Variants in TAPBPL observed in about 807,000 individuals in gnomAD.
The protein encoded by TAPBPL is tapasin-related protein.
TAPBPL carries 32 observed loss-of-function variants against 44.8 expected under a neutral mutation model. The ratio of observed to expected loss-of-function variants is 0.71; its 90% confidence interval spans 0.54 to 0.96. The LOEUF is 0.96. Ranked by LOEUF, TAPBPL falls within the 40% of genes least tolerant of loss-of-function variation. The probability of loss-of-function intolerance (pLI) is 0.00; values close to 1 mark genes in which losing one functional copy is unlikely to be tolerated. For synonymous variants in TAPBPL, 230 were observed against 240.7 expected (o/e 0.96, Z 0.41); for missense variants, 520 against 586.6 (o/e 0.89, Z 1.17).
chr12:6,463,531 C>A, downstream of TAPBPL: 1 of 1,044,760 alleles, frequency 9.6e-7, no homozygotes, highest in Non-Finnish European at 1.2e-6. The surrounding 1 kb of genome is among the most constrained non-coding windows in gnomAD (Gnocchi z 4.0). Flanking sequence ...CCCTCTTTAA[C>A]GAGGGCAAGG....
In TAPBPL at chr12:6,457,496, G is replaced by T. The variant is rs774261669; in HGVS notation, c.656G>T (p.Gly219Val). 2.2e-5 allele frequency: 35 copies of T among 1,614,134 alleles called. No homozygotes were observed. The South Asian group carries it at 3.8e-4, about 18-fold the overall frequency. Residue 219 changes from glycine (G) to valine (V), a missense_variant, in exon 4 of 7, where the codon GGC becomes GTC. Gly to Val is a moderately radical substitution (Grantham distance 109). Transcript: ENST00000266556. ...GACTGTGGCTTCTCCATGGCACCGG[G>T]CTTGGACCTCATCAGTGTGGAGTGG... is the stretch of plus-strand genomic sequence containing the variant. ...SLDCGFSMAP[G>V]LDLISVEWRL...
chr12:6,462,525 G>A, downstream of TAPBPL: 1 of 506,002 alleles, frequency 2.0e-6, no homozygotes, highest in Non-Finnish European at 3.5e-6. Flanking sequence ...GAGGAAAGGG[G>A]GATAGCAGAG....
chr12:6,460,422 T>C (rs552058672), intron 5 of TAPBPL, among the ~76,000 whole-genome samples: 6 of 152,158 alleles, frequency 3.9e-5, no homozygotes, highest in South Asian at 2.1e-4. Context: ...CACACCAACA[T>C]GCCCAGTTAA....
downstream of TAPBPL, chr12:6,464,202 G>C: frequency 6.1e-6 from 9 of 1,483,388 alleles, no homozygotes; most frequent in Non-Finnish European, 8.1e-6. Flanking sequence ...TTGGGGCTTT[G>C]GGGGAACTTG....
chr12:6,463,895 A>G (rs2534714), downstream of TAPBPL: 393,132 of 1,284,760 alleles, frequency 0.31, 61,207 homozygotes, highest in South Asian at 0.35. This position sits in a 1 kb window ranked among gnomAD's most constrained non-coding sequence, Gnocchi z 4.0. Flanking sequence ...CAGATTAGAA[A>G]TAACTACAAA....
chr12:6,458,977 T>TGAG, intron 5 of TAPBPL, 30 bp downstream of exon 5: 1 of 1,602,894 alleles, frequency 6.2e-7, no homozygotes, highest in Non-Finnish European at 8.5e-7. Context: ...TTTCCCCACC[T>TGAG]CCACACTAGG....
chr12:6,465,390 A>ATATATATAAATGTATATATATGTG (rs1565526122), downstream of TAPBPL: 1 of 96,900 alleles, frequency 1.0e-5, no homozygotes, highest in Non-Finnish European at 2.1e-5. Flanking sequence ...ATATATGTAT[A>ATATATATAAATGTATATATATGTG]TATATATATA....
Position 6,462,051 on chromosome 12 carries a change from C to T in TAPBPL, c.1309C>T (p.Leu437=). 1 of 1,613,384 alleles carries T rather than the reference C, an allele frequency of 6.2e-7. No homozygotes were observed. The highest frequency in any genetic ancestry group is 8.5e-7 in the Non-Finnish European group (1 of 1,179,406). ...QRRQAPTGLG[L]LQAERWETTS... is the part of the protein sequence containing the mutation. ...CTTACCAGCACCTACAGGACTTGGGCTGCTTCAGGCTGAACGCTGGGAGAC... is the reference window on the plus strand; with the variant it reads ...CTTACCAGCACCTACAGGACTTGGGTTGCTTCAGGCTGAACGCTGGGAGAC... Residue 437 remains leucine (L), a synonymous_variant, in exon 7 of 7, where the codon CTG becomes TTG. Coordinates refer to ENST00000266556, the MANE Select transcript of TAPBPL (RefSeq NM_018009.5).
chr12:6,459,055 C>G, intron 5 of TAPBPL, 108 bp downstream of exon 5: 5 of 1,296,714 alleles, frequency 3.9e-6, no homozygotes, highest in Non-Finnish European at 5.2e-6. Flanking sequence ...TGTTCGCAGC[C>G]CTGGCTTCAT....
rs145701747 is a variant in TAPBPL, at chr12:6,457,222, T to C, written c.566-184T>C. Among the ~76,000 whole-genome samples the C allele has an allele frequency of 2.1e-3, 319 of 152,330 alleles. 1 individual carries two copies. The highest frequency in any genetic ancestry group is 7.3e-3 in the African/African-American group (303 of 41,576). ...GATCCCAAAATGGTGATGGCCATCA[T>C]GTGTACCATGCTACCTTTCCAGAGC... On this transcript the variant is annotated intron_variant, in intron 3 of 6. Transcript: ENST00000266556.
chr12:6,465,752 T>C, downstream of TAPBPL: 1 of 1,519,474 alleles, frequency 6.6e-7, no homozygotes. Flanking sequence ...CCTGCACCAT[T>C]AGAGGGAAGA....
At chr12:6,466,165 TC>T, downstream of TAPBPL, 3 of 1,613,416 alleles carry the variant, frequency 1.9e-6, no homozygotes, top group South Asian at 3.3e-5. Context: ...GATAAGAAGT[TC>T]CCTTTTGTTT....
chr12:6,463,636 T>G (rs2137001154), downstream of TAPBPL: 1 of 1,079,674 alleles, frequency 9.3e-7, no homozygotes. The surrounding 1 kb of genome is among the most constrained non-coding windows in gnomAD (Gnocchi z 4.0). Flanking sequence ...TGCCAACAAT[T>G]AACTGGGAGC....
At chr12:6,470,769 G>T, downstream of TAPBPL, 1 of 586,896 alleles carries the variant, frequency 1.7e-6, no homozygotes, top group Non-Finnish European at 3.1e-6. Flanking sequence ...TGCCCAGGAC[G>T]GTCGCCCAGC....
chr12:6,459,891 C>T (rs1416421080), intron 5 of TAPBPL, among the ~76,000 whole-genome samples: 1 of 151,950 alleles, frequency 6.6e-6, no homozygotes, highest in African/African-American at 2.4e-5. Context: ...TTGCCTCAGC[C>T]TCCCAAGTAG....
At chr12:6,462,481 T>C (rs748664928), downstream of TAPBPL, 15 of 493,270 alleles carry the variant, frequency 3.0e-5, no homozygotes, top group African/African-American at 9.7e-5. Context: ...TCCCAGGGTT[T>C]TGTTGCACAT....
chr12:6,465,259 A>G (rs540571234), downstream of TAPBPL: 5 of 443,926 alleles, frequency 1.1e-5, no homozygotes, highest in African/African-American at 6.2e-5. Flanking sequence ...AATTAGTTCA[A>G]TTTTCACTGT....
At chr12:6,470,576 C>T, downstream of TAPBPL, 1 of 1,613,272 alleles carries the variant, frequency 6.2e-7, no homozygotes, top group Non-Finnish European at 8.5e-7. Flanking sequence ...CCGGAGGCTG[C>T]GGCGAGACAC....
At chr12:6,466,413 T>C, downstream of TAPBPL, 5 of 1,558,802 alleles carry the variant, frequency 3.2e-6, no homozygotes, top group Non-Finnish European at 4.3e-6. Context: ...CTGGGCGTGG[T>C]AGCACACACC....
Sources: gnomAD v4.1 joint callset for allele counts (sites outside exome capture counted in the v4.1 genomes callset) on GRCh38, gnomAD v4.1.1 for gene constraint, Gnocchi (gnomAD v3.1) non-coding constraint, MANE v1.5 for transcripts, NCBI Gene and HGNC (gene_info 2026-07-23, HGNC 2026-07-21) for gene names.